The following SEMA3A variants were observed in gnomAD, a reference collection of about 807,000 sequenced individuals.
SEMA3A encodes the protein semaphorin 3A.
SEMA3A carries 29 observed loss-of-function variants against 97.9 expected under a neutral mutation model. The observed-to-expected ratio is 0.30, with a 90% confidence interval of 0.22 to 0.40. SEMA3A has a LOEUF of 0.40. Ranked by LOEUF, SEMA3A falls within the 10% of genes least tolerant of loss-of-function variation. The probability of loss-of-function intolerance (pLI) is 1.00; values close to 1 mark genes in which losing one functional copy is unlikely to be tolerated. For missense variants in SEMA3A, 763 were observed against 951.3 expected (o/e 0.80, Z 2.60); for synonymous variants, 321 against 323.7 (o/e 0.99, Z 0.09).
At chr7:84,080,982 T>C (rs1000912257) in intron 4 of SEMA3A, among the ~76,000 whole-genome samples, 2 of 151,716 alleles carry the variant, frequency 1.3e-5, no homozygotes, top group Non-Finnish European at 2.9e-5. Context: ...ATAGTAAAAA[T>C]AATTAATTAC....
At chr7:84,404,896 A>G (rs1281770726) in intron 1 of SEMA3A, among the ~76,000 whole-genome samples, 5 of 149,176 alleles carry the variant, frequency 3.4e-5, no homozygotes, top group Admixed American at 6.7e-5. Context: ...TGAAGGAAGC[A>G]CTAAACATGG....
At chr7:84,381,872 T>G (rs1261606974) in intron 1 of SEMA3A, among the ~76,000 whole-genome samples, 1 of 152,156 alleles carries the variant, frequency 6.6e-6, no homozygotes, top group African/African-American at 2.4e-5. Flanking sequence ...TTTGCCTTGA[T>G]GAAGTAATTC....
chr7:84,194,120 G>T (rs569597156), intron 1 of SEMA3A, among the ~76,000 whole-genome samples: 32 of 152,154 alleles, frequency 2.1e-4, no homozygotes, highest in South Asian at 1.4e-3. Context: ...TCTACAAAGA[G>T]ACCATTTTTG....
At chr7:84,191,492 T>C (rs1315258744) in intron 1 of SEMA3A, among the ~76,000 whole-genome samples, 1 of 151,782 alleles carries the variant, frequency 6.6e-6, no homozygotes, top group Non-Finnish European at 1.5e-5. Flanking sequence ...CAAACCCTAA[T>C]TATTTTCTTG....
intron 2 of SEMA3A, among the ~76,000 whole-genome samples, chr7:84,350,784 T>C (rs1265881067): frequency 6.6e-6 from 1 of 152,154 alleles, no homozygotes; most frequent in Admixed American, 6.6e-5. Context: ...ATGGTTGCTA[T>C]TTTATTTTCA....
At chr7:83,979,563 C>T (rs796481720) in intron 14 of SEMA3A, among the ~76,000 whole-genome samples, 19 of 152,212 alleles carry the variant, frequency 1.2e-4, no homozygotes, top group African/African-American at 4.1e-4. Flanking sequence ...AAATTACCTA[C>T]GGTTTCTTTA....
intron 1 of SEMA3A, among the ~76,000 whole-genome samples, chr7:84,483,258 T>C (rs967274061): frequency 1.3e-5 from 2 of 152,126 alleles, no homozygotes; most frequent in Non-Finnish European, 2.9e-5. Flanking sequence ...TCCATTCCCC[T>C]CGAAAATTAT....
rs1789415770 is a variant in SEMA3A at position 83,981,481 on chromosome 7, G to A, written c.1495-3C>T. Reference sequence around the variant, plus strand: ...GTTGAACCAATATATAGTTGTTGCTGTGGAAAGAGTTTACTGCTGTGACAA... The same window carrying A: ...GTTGAACCAATATATAGTTGTTGCTATGGAAAGAGTTTACTGCTGTGACAA... On this transcript the variant is annotated splice_polypyrimidine_tract_variant and splice_region_variant and intron_variant, in intron 13 of 16. Coordinates refer to ENST00000265362, the MANE Select transcript of SEMA3A (RefSeq NM_006080.3). 6.3e-7 allele frequency: 1 copy of A among 1,587,458 alleles called. No homozygotes were observed. Among genetic ancestry groups the A allele is most frequent in the Non-Finnish European group, 8.6e-7 (1 of 1,168,186 alleles).
chr7:84,076,931 A>T (rs1793972231), intron 4 of SEMA3A, among the ~76,000 whole-genome samples: 1 of 152,136 alleles, frequency 6.6e-6, no homozygotes, highest in Non-Finnish European at 1.5e-5. Flanking sequence ...TAATGGTAGA[A>T]ACCAAGGAAA....
At chr7:84,312,917 T>TACACAC (rs1220435467) in intron 2 of SEMA3A, among the ~76,000 whole-genome samples, 64 of 38,220 alleles carry the variant, frequency 1.7e-3, no homozygotes, top group Non-Finnish European at 2.9e-3. Flanking sequence ...TATATATATA[T>TACACAC]ATATACACAC....
chr7:84,361,736 C>T (rs1165953784), intron 2 of SEMA3A, among the ~76,000 whole-genome samples: 3 of 151,916 alleles, frequency 2.0e-5, no homozygotes, highest in Admixed American at 2.0e-4. Flanking sequence ...AAGTCTATTG[C>T]TAATTCATAT....
chr7:84,467,293 C>A (rs1420234207), intron 1 of SEMA3A, among the ~76,000 whole-genome samples: 1 of 151,970 alleles, frequency 6.6e-6, no homozygotes, highest in Non-Finnish European at 1.5e-5. Context: ...AAGGCTGAGG[C>A]GAGTGGATCA....
chr7:84,311,727 A>G (rs1356757732), intron 2 of SEMA3A, among the ~76,000 whole-genome samples: 4 of 151,948 alleles, frequency 2.6e-5, no homozygotes, highest in Non-Finnish European at 5.9e-5. Flanking sequence ...AAAACTAAGA[A>G]ATTTTAACTA....
At chr7:84,383,883 AAAT>A (rs1359919432) in intron 1 of SEMA3A, among the ~76,000 whole-genome samples, 1 of 152,210 alleles carries the variant, frequency 6.6e-6, no homozygotes, top group Admixed American at 6.5e-5. Flanking sequence ...TACACTTAAA[AAAT>A]ACATTTGTAA....
At chr7:83,965,111 T>G (rs111477874) in intron 15 of SEMA3A, among the ~76,000 whole-genome samples, 1 of 148,558 alleles carries the variant, frequency 6.7e-6, no homozygotes. Flanking sequence ...TTTTTTTTTT[T>G]TGTATTTTTA....
rs80235813 is a variant in SEMA3A, at chr7:84,336,664, G to C, written c.-168-29372C>G. Among the ~76,000 whole-genome samples the C allele has an allele frequency of 3.5e-3, 540 of 152,218 alleles. 3 individuals carry two copies. Among genetic ancestry groups the C allele is most frequent in the African/African-American group, 0.012 (505 of 41,544 alleles). Reference sequence around the variant, plus strand: ...GGAACCAGAATGCCAGGAATGCCTTGTTATCAGTACAGGCACACAAACCTA... The same window carrying C: ...GGAACCAGAATGCCAGGAATGCCTTCTTATCAGTACAGGCACACAAACCTA... On this transcript the variant is annotated intron_variant, in intron 2 of 3. Coordinates refer to the SEMA3A transcript ENST00000424555.
chr7:84,096,978 T>C (rs1014598841), intron 4 of SEMA3A, among the ~76,000 whole-genome samples: 1 of 152,132 alleles, frequency 6.6e-6, no homozygotes, highest in African/African-American at 2.4e-5. Context: ...TATGATCTGG[T>C]GTCAAGGTAG....
chr7:84,265,055 C>A (rs148298068), intron 3 of SEMA3A, among the ~76,000 whole-genome samples: 134 of 152,152 alleles, frequency 8.8e-4, no homozygotes, highest in Middle Eastern at 3.4e-3. Context: ...TACCCCACTT[C>A]GAAGATGAAG....
intron 1 of SEMA3A, among the ~76,000 whole-genome samples, chr7:84,481,633 TATTACACATA>T (rs1806448132): frequency 6.6e-6 from 1 of 152,166 alleles, no homozygotes; most frequent in African/African-American, 2.4e-5. Flanking sequence ...TGTTTTTTCT[TATTACACATA>T]ATTCAAGATA....
Sources: gnomAD v4.1 joint callset for allele counts (sites outside exome capture counted in the v4.1 genomes callset) on GRCh38, gnomAD v4.1.1 for gene constraint, MANE v1.5 for transcripts, NCBI Gene and HGNC (gene_info 2026-07-23, HGNC 2026-07-21) for gene names.